The following MCTP2 variants were observed in gnomAD, a reference collection of about 807,000 sequenced individuals.
MCTP2 encodes the protein multiple C2 and transmembrane domain-containing protein 2.
Under a neutral mutation model 111.6 loss-of-function variants are expected in MCTP2, and 132 were observed. That is an observed-to-expected ratio of 1.18 (90% CI 1.03 to 1.37). The LOEUF (loss-of-function observed/expected upper bound fraction) is 1.37. Ranked by LOEUF, MCTP2 falls within the 40% of genes most tolerant of loss-of-function variation. MCTP2 has a pLI of 0.00. For missense variants in MCTP2, 1,183 were observed against 1,067.9 expected, an observed-to-expected ratio of 1.11 and a Z score of -1.50; for synonymous variants, 395 against 387.7, an observed-to-expected ratio of 1.02 and a Z score of -0.22.
intron 7 of MCTP2, chr15:94,342,362 A>G (rs1006772912): frequency 2.2e-4 from 33 of 152,152 alleles, no homozygotes; most frequent in African/African-American, 6.0e-4. Context: ...CTGTTTTTGT[A>G]AAAGATCTCA....
intron 18 of MCTP2, 59 bp downstream of exon 18, chr15:94,440,357 T>TACC (rs1176556208): frequency 1.3e-6 from 2 of 1,599,498 alleles, no homozygotes; most frequent in Non-Finnish European, 1.7e-6. Flanking sequence ...AACAACAAAC[T>TACC]ACCACCACCA....
chr15:94,402,050 T>G (rs757330517), intron 17 of MCTP2, 31 bp downstream of exon 17: 2 of 1,603,968 alleles, frequency 1.2e-6, no homozygotes, highest in Non-Finnish European at 1.7e-6. Context: ...TCAAACTATT[T>G]GCTTCTTATT....
intron 1 of MCTP2, among the ~76,000 whole-genome samples, chr15:94,247,655 C>A (rs1209041169): frequency 6.6e-6 from 1 of 152,172 alleles, no homozygotes; most frequent in African/African-American, 2.4e-5. Flanking sequence ...CCCTGACCTT[C>A]AATCAGTAAG....
chr15:94,464,248 ATATATATAT>A (rs1416678842), intron 20 of MCTP2, among the ~76,000 whole-genome samples: 10 of 58,910 alleles, frequency 1.7e-4, no homozygotes, highest in African/African-American at 6.1e-4. Flanking sequence ...TAATATATAT[ATATATATAT>A]TATATATATA....
At chr15:94,233,689 C>G (rs997985223) in intron 1 of MCTP2, among the ~76,000 whole-genome samples, 2 of 152,238 alleles carry the variant, frequency 1.3e-5, no homozygotes, top group African/African-American at 2.4e-5. Context: ...GGCGAGGAAT[C>G]AAGTTCCTTA....
chr15:94,391,228 T>C (rs2080953050), intron 14 of MCTP2, among the ~76,000 whole-genome samples: 2 of 152,318 alleles, frequency 1.3e-5, no homozygotes, highest in South Asian at 4.1e-4. Context: ...AAATTTTCTA[T>C]AATGGCTTGT....
intron 1 of MCTP2, among the ~76,000 whole-genome samples, chr15:94,238,490 A>C (rs1406052928): frequency 1.3e-5 from 2 of 152,146 alleles, no homozygotes; most frequent in Non-Finnish European, 2.9e-5. Flanking sequence ...GGCTTTTTTA[A>C]AACTGCTAAA....
chr15:94,389,045 A>G (rs1474739654), intron 14 of MCTP2, among the ~76,000 whole-genome samples: 1 of 152,232 alleles, frequency 6.6e-6, no homozygotes, highest in Non-Finnish European at 1.5e-5. Context: ...CACCTGTGCA[A>G]TAAACACGTA....
intron 4 of MCTP2, among the ~76,000 whole-genome samples, chr15:94,324,356 C>G (rs967307711): frequency 6.6e-6 from 1 of 152,250 alleles, no homozygotes; most frequent in Non-Finnish European, 1.5e-5. Context: ...TGTTAGGCCG[C>G]TGTAGTAGTT....
chr15:94,292,935 G>A (rs2152327576), intron 1 of MCTP2: 1 of 152,284 alleles, frequency 6.6e-6, no homozygotes, highest in South Asian at 2.1e-4. Context: ...ATGTAGCAGA[G>A]ATTTTTGATG....
At chr15:94,427,928 G>A (rs188799960) in intron 17 of MCTP2, among the ~76,000 whole-genome samples, 4 of 152,186 alleles carry the variant, frequency 2.6e-5, no homozygotes, top group Admixed American at 1.3e-4. Context: ...CACTTGACAT[G>A]CTAGCTTAAC....
chr15:94,454,178 G>A (rs2084651031), intron 19 of MCTP2, among the ~76,000 whole-genome samples: 1 of 152,062 alleles, frequency 6.6e-6, no homozygotes, highest in South Asian at 2.1e-4. Context: ...TCTAACATCA[G>A]CAATGCCACT....
At chr15:94,328,340 G>T (rs536388544) in intron 4 of MCTP2, among the ~76,000 whole-genome samples, 2 of 152,014 alleles carry the variant, frequency 1.3e-5, no homozygotes, top group East Asian at 1.9e-4. Context: ...GTGTTAGCCA[G>T]GATGGTCTTG....
At chr15:94,371,790 G>A (rs995787589) in intron 12 of MCTP2, among the ~76,000 whole-genome samples, 3 of 152,108 alleles carry the variant, frequency 2.0e-5, no homozygotes, top group African/African-American at 7.2e-5. Context: ...CTGGCTTCAA[G>A]CAATTCTCCT....
At chr15:94,403,405 T>A (rs915770504) in intron 17 of MCTP2, 11 of 245,300 alleles carry the variant, frequency 4.5e-5, no homozygotes, top group African/African-American at 2.6e-4. Flanking sequence ...TTCCATGGAA[T>A]GTTCTATGCA....
intron 19 of MCTP2, among the ~76,000 whole-genome samples, chr15:94,447,548 C>G (rs1375128683): frequency 1.3e-5 from 2 of 152,154 alleles, no homozygotes. Flanking sequence ...CCATGTGCCA[C>G]CACACTGCAT....
intron 19 of MCTP2, 83 bp downstream of exon 19, chr15:94,443,043 CTCTCTT>C: frequency 1.0e-6 from 1 of 971,820 alleles, no homozygotes; most frequent in Non-Finnish European, 1.4e-6. Context: ...AGTCTCTCTC[CTCTCTT>C]TTTTTTTTTT....
chr15:94,455,184 AC>A (rs1240793360), intron 19 of MCTP2, among the ~76,000 whole-genome samples: 1 of 152,218 alleles, frequency 6.6e-6, no homozygotes, highest in Admixed American at 6.5e-5. Context: ...ATACATTCTG[AC>A]CATTAATGGA....
intron 1 of MCTP2, among the ~76,000 whole-genome samples, chr15:94,276,356 A>G (rs2074210542): frequency 6.6e-6 from 1 of 152,172 alleles, no homozygotes; most frequent in Non-Finnish European, 1.5e-5. Context: ...CTAATACAAG[A>G]TGTAAAAAAC....
Sources: allele counts gnomAD v4.1 joint callset (sites outside exome capture counted in the v4.1 genomes callset), GRCh38; gene constraint gnomAD v4.1.1; transcripts MANE v1.5; gene names NCBI Gene and HGNC (gene_info 2026-07-23, HGNC 2026-07-21).